UGT1A8: variants seen among roughly 807,000 people sequenced by gnomAD.
UGT1A8 encodes the protein UDP-glucuronosyltransferase 1A8.
A neutral mutation model predicts 45.3 loss-of-function variants in UGT1A8; 39 were observed. The observed-to-expected ratio is 0.86, with a 90% confidence interval of 0.67 to 1.12. The LOEUF is 1.12. UGT1A8 is among the 50% of genes most tolerant of loss of function. The probability of loss-of-function intolerance (pLI) is 0.00; values close to 1 mark genes in which losing one functional copy is unlikely to be tolerated. For synonymous variants in UGT1A8, 275 were observed against 249.2 expected (o/e 1.10, Z -0.97); for missense variants, 719 against 664.9 (o/e 1.08, Z -0.90).
chr2:233,751,620 T>A (rs1457712151), intron 1 of UGT1A8, among the ~76,000 whole-genome samples: 2 of 152,180 alleles, frequency 1.3e-5, no homozygotes, highest in Non-Finnish European at 2.9e-5. Flanking sequence ...GGTGATTGGA[T>A]CATGTGTGCA....
chr2:233,642,611 G>C (rs1203695324), intron 1 of UGT1A8, among the ~76,000 whole-genome samples: 1 of 152,158 alleles, frequency 6.6e-6, no homozygotes, highest in African/African-American at 2.4e-5. Flanking sequence ...TGAAGAGTTA[G>C]GTGTTTATTG....
At chr2:233,621,459 G>A (rs1215506572) in intron 1 of UGT1A8, among the ~76,000 whole-genome samples, 1 of 152,138 alleles carries the variant, frequency 6.6e-6, no homozygotes, top group African/African-American at 2.4e-5. Context: ...GAAAAGATCT[G>A]TGCTTCCCCC....
chr2:233,651,018 T>C (rs1342469619), intron 1 of UGT1A8, among the ~76,000 whole-genome samples: 1 of 152,208 alleles, frequency 6.6e-6, no homozygotes. Context: ...GGATTGACTT[T>C]TAGCCAACTC....
intron 1 of UGT1A8, among the ~76,000 whole-genome samples, chr2:233,668,813 C>T (rs1209388964): frequency 1.3e-5 from 2 of 152,150 alleles, no homozygotes; most frequent in African/African-American, 4.8e-5. Flanking sequence ...ACCTAATGTC[C>T]TTGTTCTTTT....
At chr2:233,759,599 A>ACCCCCCCCCCCCCC (rs1553620419) in intron 1 of UGT1A8, among the ~76,000 whole-genome samples, 9 of 108,650 alleles carry the variant, frequency 8.3e-5, no homozygotes, top group African/African-American at 2.6e-4. Flanking sequence ...CCCACCCCCG[A>ACCCCCCCCCCCCCC]CCCGCCCCAC....
At chr2:233,648,123 T>C (rs1032179065) in intron 1 of UGT1A8, 2 of 1,370,712 alleles carry the variant, frequency 1.5e-6, no homozygotes, top group Admixed American at 4.5e-5. Flanking sequence ...TTGCCAATGC[T>C]CAATGGGAAG....
At chr2:233,692,864 T>A (rs2075117839) in intron 1 of UGT1A8, 1 of 1,477,496 alleles carries the variant, frequency 6.8e-7, no homozygotes, top group South Asian at 1.4e-5. Flanking sequence ...TTCTTACATA[T>A]CAAAGGGTAA....
At chr2:233,637,070 G>A in intron 1 of UGT1A8, 1 of 1,613,952 alleles carries the variant, frequency 6.2e-7, no homozygotes, top group Non-Finnish European at 8.5e-7. Flanking sequence ...GGTGCACAGT[G>A]CCCTGCTCCT....
At chr2:233,618,810 T>C (rs897383255) in intron 1 of UGT1A8, among the ~76,000 whole-genome samples, 1 of 152,220 alleles carries the variant, frequency 6.6e-6, no homozygotes, top group Non-Finnish European at 1.5e-5. Context: ...TTGAGTACCA[T>C]GTTTAGAAAA....
intron 1 of UGT1A8, chr2:233,761,121 C>T (rs1672783934): frequency 6.2e-7 from 1 of 1,614,054 alleles, no homozygotes; most frequent in South Asian, 1.1e-5. Context: ...TTGGTGGAAT[C>T]AACTGCCTTC....
At chr2:233,646,597 CA>C (rs1482693829) in intron 1 of UGT1A8, among the ~76,000 whole-genome samples, 1 of 151,734 alleles carries the variant, frequency 6.6e-6, no homozygotes, top group Non-Finnish European at 1.5e-5. Flanking sequence ...ATCACTAGGT[CA>C]GGGGCAAAAT....
rs574815522 is a variant in UGT1A8 at position 233,710,585 on chromosome 2, C to T, written c.856-56449C>T. ...TAAAAGGTGCCCTTTCAAAATCTTC[C>T]GCACACCTTTATTGGTTTGTTTGTC... On this transcript the variant is annotated intron_variant, in intron 1 of 4. Transcript: ENST00000373450. Among the ~76,000 whole-genome samples, 12 of 152,214 alleles carry T rather than the reference C, an allele frequency of 7.9e-5. No homozygotes were observed. The South Asian group carries it at 1.7e-3, about 21-fold the overall frequency.
intron 1 of UGT1A8, among the ~76,000 whole-genome samples, chr2:233,662,749 CT>C (rs1354218518): frequency 1.3e-5 from 2 of 151,340 alleles, no homozygotes; most frequent in Non-Finnish European, 2.9e-5. Flanking sequence ...ATGATGTTAG[CT>C]GTGGGTTTTT....
chr2:233,697,047 G>T (rs2075371720), intron 1 of UGT1A8, among the ~76,000 whole-genome samples: 1 of 150,766 alleles, frequency 6.6e-6, no homozygotes, highest in Admixed American at 6.6e-5. Context: ...CTTTTTTTTT[G>T]TTGTGTCCTT....
At chr2:233,688,394 G>A (rs1649159658) in intron 1 of UGT1A8, among the ~76,000 whole-genome samples, 1 of 152,186 alleles carries the variant, frequency 6.6e-6, no homozygotes, top group African/African-American at 2.4e-5. Context: ...AAACCCTGAT[G>A]TTCTAATTTT....
At chr2:233,658,982 A>G (rs2073911767) in intron 1 of UGT1A8, among the ~76,000 whole-genome samples, 1 of 152,224 alleles carries the variant, frequency 6.6e-6, no homozygotes, top group Admixed American at 6.5e-5. Flanking sequence ...CACAAAAAAA[A>G]GCCTGTTGGG....
In UGT1A8 at chr2:233,693,797, A is replaced by G. The variant is rs1165673859; in HGVS notation, c.856-73237A>G. 3.7e-6 allele frequency: 6 copies of G among 1,614,084 alleles called. No homozygotes were observed. Among genetic ancestry groups the G allele is most frequent in the Non-Finnish European group, 5.1e-6 (6 of 1,180,034 alleles). On this transcript the variant is annotated intron_variant, in intron 1 of 4. Coordinates refer to ENST00000373450, the MANE Select transcript of UGT1A8 (RefSeq NM_019076.5). The stretch of plus-strand genomic sequence containing the variant: ...ATATGACTTTGTGCTTGAATATCCT[A>G]GGCCGGTCATGCCCAACATGGTCTT...
intron 1 of UGT1A8, among the ~76,000 whole-genome samples, chr2:233,756,629 A>G (rs1696275606): frequency 6.6e-6 from 1 of 152,204 alleles, no homozygotes; most frequent in South Asian, 2.1e-4. Flanking sequence ...GGCCGTGTGT[A>G]TAGCACTGGG....
Position 233,681,424 on chromosome 2 carries a change from C to T in UGT1A8, c.855+62862C>T, listed in dbSNP as rs150455552. ...CAGCGTGCGCCTGTAATCCCAGCTA[C>T]TGAGGCTGAGGCAGGAGAATCGTTT... On this transcript the variant is annotated intron_variant, in intron 1 of 4. Transcript: ENST00000373450. Among the ~76,000 whole-genome samples, 5 of 150,166 alleles carry T rather than the reference C, an allele frequency of 3.3e-5. No homozygotes were observed. The East Asian group carries it at 1.0e-3, about 30-fold the overall frequency.
Sources: allele counts gnomAD v4.1 joint callset (sites outside exome capture counted in the v4.1 genomes callset), GRCh38; gene constraint gnomAD v4.1.1; transcripts MANE v1.5; gene names NCBI Gene and HGNC (gene_info 2026-07-23, HGNC 2026-07-21).